The following SLC36A3 variants were observed in gnomAD, a reference collection of about 807,000 sequenced individuals.
SLC36A3 encodes solute carrier family 36 member 3.
SLC36A3 carries 35 observed loss-of-function variants against 44.3 expected under a neutral mutation model. That is an observed-to-expected ratio of 0.79 (90% CI 0.60 to 1.05). The LOEUF (loss-of-function observed/expected upper bound fraction) is 1.05. SLC36A3 is among the 50% of genes least tolerant of loss of function. The pLI is 0.00. For synonymous variants in SLC36A3, 211 were observed against 227.6 expected, an observed-to-expected ratio of 0.93 and a Z score of 0.66; for missense variants, 540 against 578.7, an observed-to-expected ratio of 0.93 and a Z score of 0.69.
intron 5 of SLC36A3, among the ~76,000 whole-genome samples, chr5:151,287,709 C>A (rs1205762554): frequency 6.6e-6 from 1 of 152,132 alleles, no homozygotes; most frequent in Non-Finnish European, 1.5e-5. Flanking sequence ...AACCAGAAAC[C>A]CTTAGAATCA....
intron 1 of SLC36A3, among the ~76,000 whole-genome samples, chr5:151,299,044 G>T (rs1755058971): frequency 6.6e-6 from 1 of 151,874 alleles, no homozygotes; most frequent in Admixed American, 6.6e-5. Context: ...ATGTCTATCA[G>T]TTAGATAGAC....
At chr5:151,298,328 T>C (rs1755030212) in intron 2 of SLC36A3, 1 of 363,006 alleles carries the variant, frequency 2.8e-6, no homozygotes, top group African/African-American at 3.9e-5. Flanking sequence ...CATGTGATCC[T>C]AGGAGTGGGG....
intron 1 of SLC36A3, among the ~76,000 whole-genome samples, chr5:151,299,380 T>G (rs1419837247): frequency 6.9e-6 from 1 of 145,174 alleles, no homozygotes; most frequent in Non-Finnish European, 1.5e-5. Flanking sequence ...GTGATATATA[T>G]ATATATATAT....
intron 1 of SLC36A3, among the ~76,000 whole-genome samples, chr5:151,302,739 A>T (rs973275669): frequency 1.3e-5 from 2 of 152,120 alleles, no homozygotes; most frequent in Non-Finnish European, 1.5e-5. Context: ...TTAAAATTAA[A>T]TTAAATTTAA....
intron 4 of SLC36A3, among the ~76,000 whole-genome samples, chr5:151,290,947 A>T (rs766933284): frequency 7.2e-5 from 11 of 152,068 alleles, no homozygotes; most frequent in Non-Finnish European, 1.5e-4. Flanking sequence ...AAGTATAATC[A>T]TCATACCATC....
chr5:151,279,763 T>C (rs1436290222), intron 9 of SLC36A3, among the ~76,000 whole-genome samples: 1 of 152,216 alleles, frequency 6.6e-6, no homozygotes, highest in Non-Finnish European at 1.5e-5. Flanking sequence ...AAGCTTATTA[T>C]CTGATAGTAT....
chr5:151,294,573 A>AT (rs1326988894), intron 3 of SLC36A3, among the ~76,000 whole-genome samples: 4 of 151,892 alleles, frequency 2.6e-5, no homozygotes, highest in South Asian at 4.2e-4. Context: ...GAAGGCAGAG[A>AT]TTTTTTTGTT....
Position 151,277,018 on chromosome 5 carries a change from T to G in SLC36A3, c.*375A>C. The G allele has an allele frequency of 4.7e-6, 1 of 212,856 alleles. No individual in the cohort carries two copies. Among genetic ancestry groups the G allele is most frequent in the South Asian group, 9.1e-5 (1 of 10,934 alleles). The allele number at this position is 212,856 out of a possible 1,614,324, so 13.2% of individuals were successfully genotyped here. On this transcript the variant is annotated 3_prime_UTR_variant, in exon 10 of 10. Transcript: ENST00000335230. Reference sequence around the variant, plus strand: ...ACTCCCTTCGCCCAACATACACTTTTCTAAATCTGATGCTTTAAGGGCAGC... The same window carrying G: ...ACTCCCTTCGCCCAACATACACTTTGCTAAATCTGATGCTTTAAGGGCAGC...
In SLC36A3 at chr5:151,303,408, C is replaced by T; in HGVS notation, c.-54G>A. 2.6e-6 allele frequency: 4 copies of T among 1,564,588 alleles called. No individual in the cohort carries two copies. Among genetic ancestry groups the T allele is most frequent in the Non-Finnish European group, 3.5e-6 (4 of 1,150,346 alleles). On this transcript the variant is annotated 5_prime_UTR_variant, in exon 1 of 10. Coordinates refer to ENST00000335230, the MANE Select transcript of SLC36A3 (RefSeq NM_181774.4). ...CTCAGGGTTAAGGCTCTGAATGAGC[C>T]TCTGATGGGTCTTTCTCCAGAGAAA...
intron 1 of SLC36A3, among the ~76,000 whole-genome samples, chr5:151,300,216 A>C (rs1200778128): frequency 1.3e-5 from 2 of 152,240 alleles, no homozygotes; most frequent in African/African-American, 4.8e-5. Context: ...CAGTGCTCAC[A>C]TCTCTTTGTC....
At position 151,284,278 on chromosome 5, in the gene SLC36A3, G is replaced by A. The variant is rs149827506; in HGVS notation, c.808-68C>T. The A allele has an allele frequency of 1.2e-3, 1,596 of 1,318,682 alleles. 1 individual carries two copies. Among genetic ancestry groups the A allele is most frequent in the Admixed American group, 2.3e-3 (108 of 46,162 alleles). The allele number at this position is 1,318,682 out of a possible 1,614,324, so 81.7% of individuals were successfully genotyped here. On this transcript the variant is annotated intron_variant, in intron 7 of 9. Coordinates refer to ENST00000335230, the MANE Select transcript of SLC36A3 (RefSeq NM_181774.4). Reference sequence around the variant, plus strand: ...GATGTGGCCCATTGTGAAGGAGAGGGTTCCCGTACAAGCACAAATGTCCTT... The same window carrying A: ...GATGTGGCCCATTGTGAAGGAGAGGATTCCCGTACAAGCACAAATGTCCTT...
intron 6 of SLC36A3, among the ~76,000 whole-genome samples, chr5:151,286,930 G>C (rs1026613741): frequency 4.7e-4 from 72 of 152,134 alleles, no homozygotes; most frequent in African/African-American, 1.6e-3. Flanking sequence ...ATTTATTTTT[G>C]CTGACCACTG....
At chr5:151,284,548 TGC>T in intron 7 of SLC36A3, 63 bp downstream of exon 7, 1 of 1,214,156 alleles carries the variant, frequency 8.2e-7, no homozygotes, top group South Asian at 1.4e-5. Flanking sequence ...TTCAGACATC[TGC>T]AACTACAGTT....
At chr5:151,293,042 T>C (rs943556423) in intron 4 of SLC36A3, among the ~76,000 whole-genome samples, 9 of 152,130 alleles carry the variant, frequency 5.9e-5, no homozygotes, top group Admixed American at 5.2e-4. Flanking sequence ...TAGGGATATA[T>C]TGTTAGATGA....
intron 3 of SLC36A3, 37 bp downstream of exon 3, chr5:151,296,143 C>T: frequency 6.2e-7 from 1 of 1,605,028 alleles, no homozygotes; most frequent in East Asian, 2.2e-5. Context: ...CTCAGAGGGG[C>T]CCCAGTGCTG....
chr5:151,299,264 C>CTCTCTCTCTCTCTCTA (rs1372309288), intron 1 of SLC36A3, among the ~76,000 whole-genome samples: 17 of 59,636 alleles, frequency 2.9e-4, no homozygotes, highest in Non-Finnish European at 4.1e-4. Context: ...CTCTCTCTCT[C>CTCTCTCTCTCTCTCTA]TATATATATA....
At chr5:151,282,928 A>G (rs1754381001) in intron 8 of SLC36A3, among the ~76,000 whole-genome samples, 1 of 145,956 alleles carries the variant, frequency 6.9e-6, no homozygotes, top group Non-Finnish European at 1.5e-5. Flanking sequence ...TTTGTCACCT[A>G]GGCTGGAATG....
intron 5 of SLC36A3, among the ~76,000 whole-genome samples, chr5:151,287,824 AT>A (rs1754601242): frequency 6.6e-6 from 1 of 152,226 alleles, no homozygotes; most frequent in Admixed American, 6.5e-5. Flanking sequence ...ACACAAGAAT[AT>A]CCTCTTCAAA....
chr5:151,289,158 A>G (rs933290307), intron 4 of SLC36A3: 5 of 152,440 alleles, frequency 3.3e-5, no homozygotes, highest in African/African-American at 1.2e-4. Flanking sequence ...CAATATCTTC[A>G]TATATATACA....
Sources: gnomAD v4.1 joint callset for allele counts (sites outside exome capture counted in the v4.1 genomes callset) on GRCh38, gnomAD v4.1.1 for gene constraint, MANE v1.5 for transcripts, NCBI Gene and HGNC (gene_info 2026-07-23, HGNC 2026-07-21) for gene names.